The following RASGRP3 variants were observed in gnomAD, a reference collection of about 807,000 sequenced individuals.
The protein encoded by RASGRP3 is ras guanyl-releasing protein 3.
A neutral mutation model predicts 82.7 loss-of-function variants in RASGRP3; 54 were observed. That is an observed-to-expected ratio of 0.65 (90% CI 0.52 to 0.82). RASGRP3 has a LOEUF of 0.82. Ranked by LOEUF, RASGRP3 falls within the 40% of genes least tolerant of loss-of-function variation. The pLI is 0.00. For synonymous variants in RASGRP3, 309 were observed against 300.5 expected (o/e 1.03, Z -0.29); for missense variants, 861 against 828.9 (o/e 1.04, Z -0.48).
chr2:33,549,420 A>G (rs1348439427), intron 13 of RASGRP3, among the ~76,000 whole-genome samples, 184 bp from the exon 14 acceptor site: 1 of 152,188 alleles, frequency 6.6e-6, no homozygotes, highest in Non-Finnish European at 1.5e-5. Flanking sequence ...TGCTTACTGA[A>G]AAAGGCTTTG....
At chr2:33,512,375 G>A (rs1033984783) in intron 2 of RASGRP3, among the ~76,000 whole-genome samples, 2 of 152,196 alleles carry the variant, frequency 1.3e-5, no homozygotes, top group Admixed American at 6.5e-5. Context: ...TAAGTAATAT[G>A]TCTACTCTTC....
At chr2:33,457,536 T>G (rs6543714) in intron 2 of RASGRP3, among the ~76,000 whole-genome samples, 37,808 of 152,122 alleles carry the variant, frequency 0.25, 5,786 homozygotes, top group East Asian at 0.52. Flanking sequence ...AAGATTGTTT[T>G]GATGAATCGC....
At chr2:33,544,101 G>A (rs921549394) in intron 13 of RASGRP3, among the ~76,000 whole-genome samples, 17 of 152,096 alleles carry the variant, frequency 1.1e-4, no homozygotes, top group Admixed American at 2.0e-4. Flanking sequence ...ATCACTTGAG[G>A]CCAGGAGTTA....
Position 33,562,907 on chromosome 2 carries a change from A to AC in RASGRP3, c.*173dup, listed in dbSNP as rs1461994586. The AC allele has an allele frequency of 1.5e-6, 1 of 658,154 alleles. No homozygotes were observed. The highest frequency in any genetic ancestry group is 4.3e-5 in the African/African-American group (1 of 23,260). The allele number at this position is 658,154 out of a possible 1,614,324, so 40.8% of individuals were successfully genotyped here. A position where few individuals can be genotyped will look rare whatever the true frequency, so the allele number is the denominator to read the frequency against. On this transcript the variant is annotated 3_prime_UTR_variant, in exon 18 of 18. Coordinates refer to ENST00000403687, the MANE Select transcript of RASGRP3 (RefSeq NM_001139488.2). ...GTTTGGACTATGGGACAGAGAATTGACCCTAACTAACTAACTATGAACTAT... is the reference window on the plus strand; with the variant it reads ...GTTTGGACTATGGGACAGAGAATTGACCCCTAACTAACTAACTATGAACTAT...
chr2:33,441,645 A>G (rs1665231420), intron 1 of RASGRP3, among the ~76,000 whole-genome samples: 2 of 152,272 alleles, frequency 1.3e-5, no homozygotes, highest in Admixed American at 6.5e-5. Context: ...CTTTCTAATC[A>G]TTAAAAATAC....
rs1208631028 is a variant in RASGRP3, at chr2:33,563,291, A to C, written c.*554A>C. The C allele has an allele frequency of 6.5e-6, 1 of 152,794 alleles. No individual in the cohort carries two copies. The highest frequency in any genetic ancestry group is 6.5e-5 in the Admixed American group (1 of 15,302). 9.5% of individuals were successfully genotyped at this position (152,794 alleles called of 1,614,324 possible). A position where few individuals can be genotyped will look rare whatever the true frequency, so the allele number is the denominator to read the frequency against. On this transcript the variant is annotated 3_prime_UTR_variant, in exon 18 of 18. Transcript: ENST00000403687. The stretch of plus-strand genomic sequence containing the variant: ...CATTTTCCTGAGGACTAGGAAGCTC[A>C]TCAGACACTGGAATGCAGTGATTCT...
intron 2 of RASGRP3, among the ~76,000 whole-genome samples, chr2:33,465,720 A>G (rs1219203937): frequency 6.6e-6 from 1 of 152,202 alleles, no homozygotes; most frequent in Non-Finnish European, 1.5e-5. Context: ...TCATAGCTAG[A>G]AAGAAGTCCA....
upstream of RASGRP3, among the ~76,000 whole-genome samples, chr2:33,472,808 G>C (rs1667135334): frequency 6.7e-6 from 1 of 148,938 alleles, no homozygotes; most frequent in Non-Finnish European, 1.5e-5. Flanking sequence ...CATGAAAATT[G>C]CCGGGCGCGG....
intron 1 of RASGRP3, among the ~76,000 whole-genome samples, chr2:33,492,228 T>C (rs1178420197): frequency 5.3e-5 from 8 of 152,224 alleles, no homozygotes; most frequent in Admixed American, 5.2e-4. Context: ...CTCAGGAATT[T>C]TGATTTCCCT....
At chr2:33,503,853 CTATT>C (rs1165978960) in intron 1 of RASGRP3, among the ~76,000 whole-genome samples, 3 of 152,092 alleles carry the variant, frequency 2.0e-5, no homozygotes, top group Non-Finnish European at 4.4e-5. Flanking sequence ...TAAAGGAAAT[CTATT>C]TATTAAAGCT....
At chr2:33,516,068 C>G (rs565136447) in intron 3 of RASGRP3, among the ~76,000 whole-genome samples, 13 of 152,144 alleles carry the variant, frequency 8.5e-5, no homozygotes, top group Admixed American at 4.6e-4. Context: ...AGGGTAAGAC[C>G]CACCCACCTT....
intron 9 of RASGRP3, among the ~76,000 whole-genome samples, chr2:33,525,095 CAA>C (rs77134139): frequency 8.8e-6 from 1 of 114,084 alleles, no homozygotes; most frequent in African/African-American, 3.4e-5. Context: ...AAAAAAAAAC[CAA>C]AAAAAAAAAA....
At chr2:33,440,559 G>A (rs1216201216) in intron 1 of RASGRP3, among the ~76,000 whole-genome samples, 5 of 152,210 alleles carry the variant, frequency 3.3e-5, no homozygotes, top group Non-Finnish European at 5.9e-5. Flanking sequence ...TTTTAGCCAG[G>A]TTCCAGGTCT....
Position 33,564,220 on chromosome 2 carries a change from C to T in RASGRP3, c.*1483C>T, listed in dbSNP as rs1677003883. On this transcript the variant is annotated 3_prime_UTR_variant, in exon 18 of 18. Transcript: ENST00000403687. ...GTCTTAGCCCTTGGGAGCTGACAGC[C>T]CATGGGCATTAAGGCAAAGTAGTTC... 6.6e-6 allele frequency: 1 copy of T among 152,098 alleles called. No individual in the cohort carries two copies. The highest frequency in any genetic ancestry group is 6.6e-5 in the Admixed American group (1 of 15,262). 9.4% of individuals were successfully genotyped at this position (152,098 alleles called of 1,614,324 possible).
At chr2:33,485,726 G>A (rs1032970906) in intron 1 of RASGRP3, among the ~76,000 whole-genome samples, 4 of 152,236 alleles carry the variant, frequency 2.6e-5, no homozygotes, top group South Asian at 2.1e-4. Context: ...AGCAGAACCA[G>A]TGTAAAATAT....
chr2:33,563,118 AT>A lies in RASGRP3; in HGVS notation c.*386del, dbSNP rs748981559. 8.7e-5 allele frequency: 19 copies of A among 217,822 alleles called. No homozygotes were observed. Among genetic ancestry groups the A allele is most frequent in the Admixed American group, 1.7e-4 (3 of 17,292 alleles). 13.5% of individuals were successfully genotyped at this position (217,822 alleles called of 1,614,324 possible). ...TTTTTTGTGAGACTATCCTTTCAAT[AT>A]TTTTATAAACTTTTGTGTGTGCTGT... On this transcript the variant is annotated 3_prime_UTR_variant, in exon 18 of 18. Coordinates refer to ENST00000403687, the MANE Select transcript of RASGRP3 (RefSeq NM_001139488.2).
At chr2:33,558,013 C>T (rs552677739) in intron 15 of RASGRP3, among the ~76,000 whole-genome samples, 198 bp from the exon 16 acceptor site, 3 of 152,146 alleles carry the variant, frequency 2.0e-5, no homozygotes, top group South Asian at 4.1e-4. Context: ...AGAGAATTTT[C>T]GGAACCTCAG....
chr2:33,449,532 G>A (rs1051644742), intron 2 of RASGRP3, among the ~76,000 whole-genome samples: 19 of 152,100 alleles, frequency 1.2e-4, no homozygotes, highest in African/African-American at 3.9e-4. Context: ...GAGGCCGAGG[G>A]GGGCAGACCA....
At chr2:33,499,396 C>T (rs551763464) in intron 1 of RASGRP3, among the ~76,000 whole-genome samples, 15 of 151,870 alleles carry the variant, frequency 9.9e-5, no homozygotes, top group African/African-American at 3.6e-4. Flanking sequence ...CCATATCTAC[C>T]AAAAATACAA....
Sources: allele counts gnomAD v4.1 joint callset (sites outside exome capture counted in the v4.1 genomes callset), GRCh38; gene constraint gnomAD v4.1.1; transcripts MANE v1.5; gene names NCBI Gene and HGNC (gene_info 2026-07-23, HGNC 2026-07-21).